Variants in WDR72 observed in about 807,000 individuals in gnomAD.
The protein encoded by WDR72 is WD repeat-containing protein 72.
Under a neutral mutation model 124.2 loss-of-function variants are expected in WDR72, and 120 were observed. That is an observed-to-expected ratio of 0.97 (90% confidence interval 0.83 to 1.12). The LOEUF is 1.12. Among genes scored for constraint, WDR72 ranks in the 50% most tolerant of loss-of-function variants. The probability of loss-of-function intolerance (pLI) is 0.00; values close to 1 mark genes in which losing one functional copy is unlikely to be tolerated. For missense variants in WDR72, 1,387 were observed against 1,278.8 expected (o/e 1.08, Z -1.29); for synonymous variants, 452 against 441.7 (o/e 1.02, Z -0.29).
chr15:53,617,939 C>A (rs1283821637), intron 14 of WDR72, among the ~76,000 whole-genome samples: 3 of 151,828 alleles, frequency 2.0e-5, no homozygotes, highest in Admixed American at 2.0e-4. Context: ...CTGGGGTGCT[C>A]ACATGTTTTA....
At chr15:53,675,858 G>T (rs980321193) in intron 13 of WDR72, among the ~76,000 whole-genome samples, 2 of 152,154 alleles carry the variant, frequency 1.3e-5, no homozygotes, top group Non-Finnish European at 2.9e-5. Flanking sequence ...AGTCCTATGA[G>T]AGTTATTTTG....
intron 18 of WDR72, among the ~76,000 whole-genome samples, chr15:53,583,793 A>G (rs1407763594): frequency 6.6e-6 from 1 of 152,032 alleles, no homozygotes; most frequent in South Asian, 2.1e-4. Context: ...AGTCAATGGC[A>G]TAAGGGAAGT....
At chr15:53,569,715 G>A (rs1380398691) in intron 18 of WDR72, among the ~76,000 whole-genome samples, 1 of 152,058 alleles carries the variant, frequency 6.6e-6, no homozygotes, top group Admixed American at 6.6e-5. Flanking sequence ...TCTTCTCAGA[G>A]TACTGAGGTT....
chr15:53,634,201 C>T (rs1188329952), intron 14 of WDR72, among the ~76,000 whole-genome samples: 1 of 152,196 alleles, frequency 6.6e-6, no homozygotes, highest in Non-Finnish European at 1.5e-5. Flanking sequence ...TAGTCAGTCT[C>T]TGGAAGGTAG....
At chr15:53,671,872 T>A (rs1015942290) in intron 13 of WDR72, among the ~76,000 whole-genome samples, 2 of 146,180 alleles carry the variant, frequency 1.4e-5, no homozygotes, top group Admixed American at 1.4e-4. Flanking sequence ...AAAGATGAGA[T>A]GGAAATAAGA....
At chr15:53,611,249 T>A (rs1341198385) in intron 16 of WDR72, among the ~76,000 whole-genome samples, 2 of 152,108 alleles carry the variant, frequency 1.3e-5, no homozygotes, top group Admixed American at 6.6e-5. Flanking sequence ...CATCTTCCTA[T>A]TATTTTTTTG....
intron 17 of WDR72, among the ~76,000 whole-genome samples, chr15:53,603,217 A>G (rs2013123963): frequency 1.3e-5 from 2 of 152,174 alleles, no homozygotes; most frequent in African/African-American, 4.8e-5. Context: ...CATCACATAA[A>G]CAGAACTAAA....
At chr15:53,671,570 G>T (rs1044309575) in intron 13 of WDR72, among the ~76,000 whole-genome samples, 1 of 152,168 alleles carries the variant, frequency 6.6e-6, no homozygotes, top group African/African-American at 2.4e-5. Context: ...AGTGAAAAGA[G>T]GTGGCTATAA....
At position 53,613,622 on chromosome 15, in the gene WDR72, A is replaced by C. The variant is rs552461708; in HGVS notation, c.2872+44T>G. ...AGAAAGACTAGTTATGTCCTTTCAC[A>C]GAAAAAAAAAATCAGATCATATCTG... On this transcript the variant is annotated intron_variant, in intron 16 of 19. Coordinates refer to ENST00000360509, the MANE Select transcript of WDR72 (RefSeq NM_182758.4). The C allele has an allele frequency of 1.7e-4, 220 of 1,326,810 alleles. No homozygotes were observed. In the African/African-American group the frequency reaches 3.0e-3, roughly 18 times the overall value. 82.2% of individuals were successfully genotyped at this position (1,326,810 alleles called of 1,614,324 possible).
intron 13 of WDR72, among the ~76,000 whole-genome samples, chr15:53,697,811 T>C (rs901959497): frequency 4.6e-5 from 7 of 152,124 alleles, no homozygotes; most frequent in Non-Finnish European, 7.4e-5. Context: ...CACTTATTAT[T>C]ATTATTTTTT....
intron 18 of WDR72, among the ~76,000 whole-genome samples, chr15:53,559,082 AG>A (rs1894033954): frequency 6.6e-6 from 1 of 152,018 alleles, no homozygotes; most frequent in Admixed American, 6.6e-5. Context: ...ACAGAAATAT[AG>A]CCCAAAAGCA....
chr15:53,722,550 G>A (rs1196471453), intron 3 of WDR72, among the ~76,000 whole-genome samples: 3 of 152,130 alleles, frequency 2.0e-5, no homozygotes, highest in Non-Finnish European at 4.4e-5. Context: ...TACAAGTTCT[G>A]ATACACATGT....
intron 1 of WDR72, among the ~76,000 whole-genome samples, chr15:53,751,875 A>G (rs1174201741): frequency 2.6e-5 from 4 of 152,168 alleles, no homozygotes; most frequent in Non-Finnish European, 5.9e-5. Flanking sequence ...TTGGATTTTT[A>G]TCAATAAAAT....
chr15:53,630,510 C>A (rs1278135068), intron 14 of WDR72, among the ~76,000 whole-genome samples: 2 of 152,106 alleles, frequency 1.3e-5, no homozygotes, highest in African/African-American at 4.8e-5. Flanking sequence ...AATAATTTTA[C>A]ACCATGAACA....
At chr15:53,567,760 G>A (rs1303963298) in intron 18 of WDR72, among the ~76,000 whole-genome samples, 2 of 151,484 alleles carry the variant, frequency 1.3e-5, no homozygotes, top group South Asian at 2.1e-4. Context: ...AAATGGTAAC[G>A]TTACTAAAAT....
At position 53,665,743 on chromosome 15, in the gene WDR72, T is replaced by G. The variant is rs185243650; in HGVS notation, c.1791A>C (p.Gly597=). The G allele has an allele frequency of 1.2e-6, 2 of 1,613,790 alleles. No individual in the cohort carries two copies. The highest frequency in any genetic ancestry group is 2.7e-5 in the African/African-American group (2 of 75,014). Residue 597 remains glycine (G), a synonymous_variant, in exon 14 of 20, where the codon GGA becomes GGC. Transcript: ENST00000360509. Reference sequence around the variant, plus strand: ...AATTAAGAATAATTCGTGCTCTTTCTCCTGTCTCATGTCTTTCCAAAGTGC... The same window carrying G: ...AATTAAGAATAATTCGTGCTCTTTCGCCTGTCTCATGTCTTTCCAAAGTGC... ...ETGTLERHET[G]ERARIILNCC...
chr15:53,521,521 C>T (rs1304605337), intron 19 of WDR72, among the ~76,000 whole-genome samples: 7 of 152,054 alleles, frequency 4.6e-5, no homozygotes, highest in Admixed American at 3.9e-4. Flanking sequence ...ATGTATAGAA[C>T]GGTACTCACT....
intron 18 of WDR72, among the ~76,000 whole-genome samples, chr15:53,568,262 C>T (rs1304588970): frequency 6.6e-6 from 1 of 151,678 alleles, no homozygotes; most frequent in Admixed American, 6.6e-5. Context: ...TACAACTTTA[C>T]TGAGCAGCTT....
Position 53,733,144 on chromosome 15 carries a change from C to G in WDR72, c.6G>C (p.Arg2Ser). The part of the protein sequence containing the change: M[R>S]TSLQAVALWG... Reference sequence around the variant, plus strand: ...AGAGTGCCACTGCCTGCAGGGAAGTCCTCATTTTGGGCGAATCCTGACATA... The same window carrying G: ...AGAGTGCCACTGCCTGCAGGGAAGTGCTCATTTTGGGCGAATCCTGACATA... The change falls in exon 2 of 20, where the codon AGG becomes AGC. Residue 2 changes from arginine to serine, a missense_variant. Transcript: ENST00000360509. 1 of 1,613,886 alleles carries G rather than the reference C, an allele frequency of 6.2e-7. No homozygotes were observed. The highest frequency in any genetic ancestry group is 8.5e-7 in the Non-Finnish European group (1 of 1,179,912).
Sources: gnomAD v4.1 joint callset for allele counts (sites outside exome capture counted in the v4.1 genomes callset) on GRCh38, gnomAD v4.1.1 for gene constraint, MANE v1.5 for transcripts, NCBI Gene and HGNC (gene_info 2026-07-23, HGNC 2026-07-21) for gene names.